SPOCK3: variants seen among roughly 807,000 people sequenced by gnomAD.
SPOCK3 encodes testican-3.
In SPOCK3, 30 loss-of-function variants were observed where a neutral mutation model predicts 56.6. That is an observed-to-expected ratio of 0.53 (90% CI 0.40 to 0.72). The LOEUF (loss-of-function observed/expected upper bound fraction) is 0.72, where lower values mean the gene tolerates loss of function less well. Ranked by LOEUF, SPOCK3 falls within the 30% of genes least tolerant of loss-of-function variation. The pLI is 0.00. For missense variants in SPOCK3, 527 were observed against 530.0 expected (o/e 0.99, Z 0.06); for synonymous variants, 196 against 183.3 (o/e 1.07, Z -0.56).
chr4:166,836,115 AT>A (rs1746590636), intron 6 of SPOCK3, among the ~76,000 whole-genome samples: 1 of 152,216 alleles, frequency 6.6e-6, no homozygotes, highest in African/African-American at 2.4e-5. Context: ...GTACAATTTT[AT>A]TATAACTTTT....
At chr4:167,194,432 C>T (rs1732746042) in intron 2 of SPOCK3, among the ~76,000 whole-genome samples, 1 of 152,154 alleles carries the variant, frequency 6.6e-6, no homozygotes. Flanking sequence ...TTCTTTCAGG[C>T]ATGCTACTAG....
At chr4:167,205,570 T>TATA (rs1561322928) in intron 2 of SPOCK3, among the ~76,000 whole-genome samples, 8 of 87,904 alleles carry the variant, frequency 9.1e-5, no homozygotes, top group African/African-American at 3.6e-4. Flanking sequence ...ATATATTATA[T>TATA]ATATAATATA....
intron 2 of SPOCK3, among the ~76,000 whole-genome samples, chr4:167,082,530 G>A (rs1325003703): frequency 6.6e-6 from 1 of 151,940 alleles, no homozygotes; most frequent in Non-Finnish European, 1.5e-5. Flanking sequence ...GAATATCTGT[G>A]GAAAGATACT....
At chr4:167,168,707 C>G (rs1051757178) in intron 2 of SPOCK3, among the ~76,000 whole-genome samples, 4 of 152,114 alleles carry the variant, frequency 2.6e-5, no homozygotes, top group Non-Finnish European at 5.9e-5. Flanking sequence ...GAAATTCCAG[C>G]AGTTGCAGAA....
At chr4:167,173,137 C>T (rs1248705825) in intron 2 of SPOCK3, among the ~76,000 whole-genome samples, 1 of 152,138 alleles carries the variant, frequency 6.6e-6, no homozygotes, top group Non-Finnish European at 1.5e-5. Flanking sequence ...CGACTTCCCA[C>T]TTTCATTCTT....
chr4:167,152,517 A>G (rs6840755), intron 2 of SPOCK3, among the ~76,000 whole-genome samples: 18,436 of 152,222 alleles, frequency 0.12, 1,307 homozygotes, highest in Admixed American at 0.18. Context: ...CTGACAGTTC[A>G]TAACAGATAT....
chr4:166,764,437 G>A (rs904024607), intron 7 of SPOCK3, among the ~76,000 whole-genome samples: 9 of 151,940 alleles, frequency 5.9e-5, no homozygotes, highest in African/African-American at 1.2e-4. Context: ...GAGAACATGC[G>A]GTGTTTGGTT....
At chr4:167,120,007 C>T in intron 2 of SPOCK3, 1 of 570,236 alleles carries the variant, frequency 1.8e-6, no homozygotes, top group Non-Finnish European at 3.0e-6. Context: ...TATGTTAAAG[C>T]AGTGTATCTC....
intron 1 of SPOCK3, 45 bp downstream of exon 1, chr4:167,234,405 C>T: frequency 1.7e-6 from 1 of 581,082 alleles, no homozygotes; most frequent in Non-Finnish European, 3.1e-6. Flanking sequence ...CAAGCCCCAG[C>T]CGCAGCAGCC....
chr4:166,957,608 G>C (rs555375612), intron 4 of SPOCK3, among the ~76,000 whole-genome samples: 2 of 152,248 alleles, frequency 1.3e-5, no homozygotes, highest in South Asian at 4.1e-4. Context: ...TCTTGTGTAT[G>C]CATCACTTAC....
At chr4:166,794,346 C>T (rs1741676731) in intron 6 of SPOCK3, among the ~76,000 whole-genome samples, 1 of 151,678 alleles carries the variant, frequency 6.6e-6, no homozygotes, top group Non-Finnish European at 1.5e-5. Flanking sequence ...AAACAAAAAC[C>T]TACTTGAAAA....
chr4:167,134,712 C>A (rs1163494896), intron 2 of SPOCK3, among the ~76,000 whole-genome samples: 4 of 152,112 alleles, frequency 2.6e-5, no homozygotes, highest in African/African-American at 9.7e-5. Context: ...GTCGTATTTA[C>A]CATTACTCAG....
chr4:167,059,407 A>T (rs1755321869), intron 3 of SPOCK3, among the ~76,000 whole-genome samples: 1 of 152,090 alleles, frequency 6.6e-6, no homozygotes, highest in South Asian at 2.1e-4. Context: ...AAAAATGCTC[A>T]CCATCACTGG....
intron 2 of SPOCK3, among the ~76,000 whole-genome samples, chr4:167,111,873 T>C (rs1760931924): frequency 6.6e-6 from 1 of 151,902 alleles, no homozygotes. Context: ...TTCTCTCACC[T>C]CAGCCTCCCA....
intron 9 of SPOCK3, among the ~76,000 whole-genome samples, chr4:166,739,888 A>C (rs564559528): frequency 5.9e-5 from 9 of 152,296 alleles, no homozygotes; most frequent in African/African-American, 2.2e-4. Context: ...AATTTATTCA[A>C]AATAGCTGAA....
intron 2 of SPOCK3, among the ~76,000 whole-genome samples, chr4:167,126,761 CA>C (rs1200814620): frequency 6.6e-6 from 1 of 152,136 alleles, no homozygotes; most frequent in African/African-American, 2.4e-5. Flanking sequence ...TAGAAAACCA[CA>C]TACGCAGTAA....
chr4:166,982,469 G>T (rs139759150), intron 4 of SPOCK3, among the ~76,000 whole-genome samples: 3 of 152,096 alleles, frequency 2.0e-5, no homozygotes, highest in Admixed American at 6.5e-5. Flanking sequence ...GGAGAATGGC[G>T]TGAACTCGGG....
chr4:166,950,624 G>A (rs1340499141), intron 4 of SPOCK3, among the ~76,000 whole-genome samples: 9 of 150,622 alleles, frequency 6.0e-5, no homozygotes, highest in Admixed American at 1.3e-4. Flanking sequence ...CAAATCAACA[G>A]AATATACATT....
intron 3 of SPOCK3, among the ~76,000 whole-genome samples, chr4:167,051,606 T>A (rs1754206605): frequency 6.6e-6 from 1 of 152,206 alleles, no homozygotes; most frequent in Non-Finnish European, 1.5e-5. Context: ...GAAGTCTTCA[T>A]CTGATGCTCT....
Sources: gnomAD v4.1 joint callset for allele counts (sites outside exome capture counted in the v4.1 genomes callset) on GRCh38, gnomAD v4.1.1 for gene constraint, MANE v1.5 for transcripts, NCBI Gene and HGNC (gene_info 2026-07-23, HGNC 2026-07-21) for gene names.